The following EHMT1 variants were observed in gnomAD, a reference collection of about 807,000 sequenced individuals.
EHMT1 encodes histone-lysine N-methyltransferase EHMT1.
A neutral mutation model predicts 147.2 loss-of-function variants in EHMT1; 15 were observed. The observed-to-expected ratio is 0.10, with a 90% CI of 0.07 to 0.16. The LOEUF is 0.16. EHMT1 is among the 10% of genes least tolerant of loss of function. EHMT1 has a pLI of 1.00. For missense variants in EHMT1, 1,587 were observed against 1,772.4 expected (o/e 0.90, Z 1.88); for synonymous variants, 795 against 709.6 (o/e 1.12, Z -1.91).
At chr9:137,660,842 C>A (rs1939000913) in intron 1 of EHMT1, among the ~76,000 whole-genome samples, 1 of 152,202 alleles carries the variant, frequency 6.6e-6, no homozygotes, top group Admixed American at 6.5e-5. Context: ...TTAATTACAG[C>A]AGCTAATTGT....
At chr9:137,816,395 C>T (rs1233990872) in intron 23 of EHMT1, 3 of 384,946 alleles carry the variant, frequency 7.8e-6, no homozygotes, top group Admixed American at 3.7e-5. Context: ...TTAGGGCTGT[C>T]GTAGTTCTAT....
intron 1 of EHMT1, among the ~76,000 whole-genome samples, chr9:137,686,488 C>G (rs1048802696): frequency 7.2e-5 from 11 of 151,898 alleles, no homozygotes; most frequent in Admixed American, 5.3e-4. Context: ...CTCTGGGGCT[C>G]AGGCATTCCT....
chr9:137,650,707 C>T (rs1285758505), intron 1 of EHMT1, among the ~76,000 whole-genome samples: 1 of 137,710 alleles, frequency 7.3e-6, no homozygotes, highest in African/African-American at 2.7e-5. Flanking sequence ...CACTCTGTTG[C>T]CTATGTTGGA....
At chr9:137,654,184 C>T (rs570064931) in intron 1 of EHMT1, among the ~76,000 whole-genome samples, 20 of 152,158 alleles carry the variant, frequency 1.3e-4, no homozygotes, top group African/African-American at 3.6e-4. Context: ...GCCAACATGG[C>T]GAAACCCCAT....
chr9:137,673,228 A>AGT (rs1940882072), intron 1 of EHMT1, among the ~76,000 whole-genome samples: 1 of 152,146 alleles, frequency 6.6e-6, no homozygotes, highest in Non-Finnish European at 1.5e-5. Flanking sequence ...CTTGTGTGCT[A>AGT]GTCTGGGTGC....
chr9:137,626,858 T>C (rs1843292961), intron 1 of EHMT1, among the ~76,000 whole-genome samples: 3 of 151,722 alleles, frequency 2.0e-5, no homozygotes. Flanking sequence ...TGATCTCTGC[T>C]CACTGTAATC....
At chr9:137,707,025 A>G (rs1006802772) in intron 1 of EHMT1, among the ~76,000 whole-genome samples, 1 of 152,118 alleles carries the variant, frequency 6.6e-6, no homozygotes, top group African/African-American at 2.4e-5. Flanking sequence ...GGGTTTCGCC[A>G]TGTTGGCCAG....
At chr9:137,676,969 C>T (rs1389840730) in intron 1 of EHMT1, among the ~76,000 whole-genome samples, 3 of 152,068 alleles carry the variant, frequency 2.0e-5, no homozygotes, top group South Asian at 2.1e-4. Context: ...CTAAATTTTC[C>T]TGGTTGTGTG....
chr9:137,645,292 A>T (rs1047570150), intron 1 of EHMT1, among the ~76,000 whole-genome samples: 1 of 152,190 alleles, frequency 6.6e-6, no homozygotes, highest in African/African-American at 2.4e-5. Flanking sequence ...TTGCGCCTTT[A>T]TTGATTTACA....
intron 1 of EHMT1, among the ~76,000 whole-genome samples, chr9:137,688,784 C>T (rs539028563): frequency 2.6e-5 from 4 of 152,294 alleles, no homozygotes; most frequent in East Asian, 3.9e-4. Flanking sequence ...CTGCGTTCTC[C>T]TCGGTTGGTG....
Position 137,828,241 on chromosome 9 carries a change from G to A in EHMT1, c.3541-6108G>A, listed in dbSNP as rs1170849987. On this transcript the variant is annotated intron_variant, in intron 25 of 26. Coordinates refer to ENST00000460843, the MANE Select transcript of EHMT1 (RefSeq NM_024757.5). The surrounding 1 kb of genome is among the most constrained non-coding windows in gnomAD (Gnocchi z 5.3). ...CAAGGGGCATCAGCAGGGGTCAGAG[G>A]GGTGTGCCCAGGAGGAGCCCCTCTG... Among the ~76,000 whole-genome samples the A allele has an allele frequency of 6.6e-6, 1 of 152,004 alleles. No homozygotes were observed. The highest frequency in any genetic ancestry group is 2.4e-5 in the African/African-American group (1 of 41,394).
At chr9:137,631,767 A>G (rs909301580) in intron 1 of EHMT1, among the ~76,000 whole-genome samples, 1 of 151,854 alleles carries the variant, frequency 6.6e-6, no homozygotes, top group African/African-American at 2.4e-5. Context: ...AGACCCAGCT[A>G]CTCCGGGAGG....
At chr9:137,734,720 C>T (rs1947387726) in intron 4 of EHMT1, among the ~76,000 whole-genome samples, 3 of 152,218 alleles carry the variant, frequency 2.0e-5, no homozygotes, top group African/African-American at 7.2e-5. Flanking sequence ...AGAGACTCAT[C>T]ACATACACGT....
intron 1 of EHMT1, among the ~76,000 whole-genome samples, chr9:137,647,266 CTGACCTCTTTGCTGTGGCTCCAGGT>C (rs1844963607): frequency 6.6e-6 from 1 of 152,280 alleles, no homozygotes; most frequent in South Asian, 2.1e-4. Flanking sequence ...GTGCCCCAGG[CTGACCTCTTTGCTGTGGCTCCAGGT>C]TGACTCCATG....
chr9:137,678,086 T>C (rs1175580975), intron 1 of EHMT1, among the ~76,000 whole-genome samples: 1 of 151,962 alleles, frequency 6.6e-6, no homozygotes, highest in Non-Finnish European at 1.5e-5. Context: ...ATAATAATAA[T>C]AATAATGTTG....
Position 137,782,506 on chromosome 9 carries a change from G to T in EHMT1, c.2382+109G>T. The T allele has an allele frequency of 9.6e-7, 1 of 1,038,908 alleles. No individual in the cohort carries two copies. The highest frequency in any genetic ancestry group is 1.4e-6 in the Non-Finnish European group (1 of 698,510). The allele number at this position is 1,038,908 out of a possible 1,614,324, so 64.4% of individuals were successfully genotyped here. ...TCTTCCAGTGTAAGAGTTCCGTAGT[G>T]CTGTGAATCGGGCACAGAGTCAGCT... On this transcript the variant is annotated intron_variant, in intron 15 of 26. Coordinates refer to ENST00000460843, the MANE Select transcript of EHMT1 (RefSeq NM_024757.5). The surrounding 1 kb of genome is among the most constrained non-coding windows in gnomAD (Gnocchi z 5.7).
chr9:137,739,272 C>T (rs534908257), intron 4 of EHMT1, among the ~76,000 whole-genome samples: 9 of 150,794 alleles, frequency 6.0e-5, no homozygotes, highest in Admixed American at 1.3e-4. Flanking sequence ...AGGAGAATGG[C>T]GTGAACCCAG....
intron 1 of EHMT1, among the ~76,000 whole-genome samples, chr9:137,664,560 G>A (rs1469010667): frequency 7.2e-5 from 11 of 151,954 alleles, no homozygotes; most frequent in African/African-American, 1.9e-4. Context: ...CGCCTGGCCC[G>A]ATACTCTCAT....
chr9:137,827,440 GCCCGGACCCCAGAC>G (rs1174444718), intron 25 of EHMT1, among the ~76,000 whole-genome samples: 1 of 115,584 alleles, frequency 8.7e-6, no homozygotes, highest in East Asian at 8.8e-4. Context: ...TCTGACCCAC[GCCCGGACCCCAGAC>G]CCCAGACCCC....
Sources: gnomAD v4.1 joint callset for allele counts (sites outside exome capture counted in the v4.1 genomes callset) on GRCh38, gnomAD v4.1.1 for gene constraint, Gnocchi (gnomAD v3.1) non-coding constraint, MANE v1.5 for transcripts, NCBI Gene and HGNC (gene_info 2026-07-23, HGNC 2026-07-21) for gene names.